The following IRF2 variants were observed in gnomAD, a reference collection of about 807,000 sequenced individuals.
The protein encoded by IRF2 is interferon regulatory factor 2.
In IRF2, 15 loss-of-function variants were observed where a neutral mutation model predicts 40.6. That is an observed-to-expected ratio of 0.37 (90% CI 0.25 to 0.57). The LOEUF (loss-of-function observed/expected upper bound fraction) is 0.57, where lower values mean the gene tolerates loss of function less well. Among genes scored for constraint, IRF2 ranks in the 20% least tolerant of loss-of-function variants. The pLI is 0.77. For synonymous variants in IRF2, 151 were observed against 165.5 expected (o/e 0.91, Z 0.67); for missense variants, 317 against 455.7 (o/e 0.70, Z 2.77).
chr4:184,399,421 C>T (rs1736589016), intron 6 of IRF2, among the ~76,000 whole-genome samples: 1 of 152,236 alleles, frequency 6.6e-6, no homozygotes, highest in African/African-American at 2.4e-5. Context: ...GCCCCAGGGC[C>T]AGACATGACA....
At chr4:184,412,272 C>T (rs866648085) in intron 5 of IRF2, among the ~76,000 whole-genome samples, 8 of 152,124 alleles carry the variant, frequency 5.3e-5, no homozygotes, top group African/African-American at 1.7e-4. Context: ...GAGCACACTT[C>T]TTTAGACCTG....
At chr4:184,395,851 A>G (rs528838582) in intron 7 of IRF2, among the ~76,000 whole-genome samples, 1 of 152,388 alleles carries the variant, frequency 6.6e-6, no homozygotes, top group South Asian at 2.1e-4. Flanking sequence ...AATGTCCTGA[A>G]GAGAGTAATG....
intron 1 of IRF2, among the ~76,000 whole-genome samples, chr4:184,436,698 G>A: frequency 6.6e-6 from 1 of 152,106 alleles, no homozygotes; most frequent in East Asian, 1.9e-4. Flanking sequence ...GTAAAAGGTT[G>A]GTATCGGCGG....
rs199802618 is a variant in IRF2 at position 184,418,718 on chromosome 4, G to A, written c.188-10C>T. On this transcript the variant is annotated splice_polypyrimidine_tract_variant and intron_variant, in intron 3 of 8. Transcript: ENST00000393593. Reference sequence around the variant, plus strand: ...CCTGGTTGATGCTTTCCTAACAAAAGAGACAAAGATTAAGAAAAAGAGAGA... The same window carrying A: ...CCTGGTTGATGCTTTCCTAACAAAAAAGACAAAGATTAAGAAAAAGAGAGA... The A allele has an allele frequency of 6.2e-7, 1 of 1,609,038 alleles. No individual in the cohort carries two copies. Among genetic ancestry groups the A allele is most frequent in the African/African-American group, 1.3e-5 (1 of 74,804 alleles).
At chr4:184,444,050 C>G (rs1407221347) in intron 1 of IRF2, among the ~76,000 whole-genome samples, 1 of 152,194 alleles carries the variant, frequency 6.6e-6, no homozygotes, top group South Asian at 2.1e-4. Flanking sequence ...CGAGGTCTGA[C>G]AGCCACATGA....
chr4:184,393,514 A>T (rs1376059754), intron 7 of IRF2, among the ~76,000 whole-genome samples: 1 of 152,212 alleles, frequency 6.6e-6, no homozygotes, highest in African/African-American at 2.4e-5. Context: ...TGGAAGTCAG[A>T]TCCTGGGGTA....
intron 1 of IRF2, among the ~76,000 whole-genome samples, chr4:184,459,086 C>T (rs1739041955): frequency 6.6e-6 from 1 of 151,804 alleles, no homozygotes; most frequent in East Asian, 1.9e-4. Context: ...CCTGAAATAC[C>T]ACAGAAGTGA....
chr4:184,463,323 T>C (rs1005830229), intron 1 of IRF2, among the ~76,000 whole-genome samples: 1 of 152,222 alleles, frequency 6.6e-6, no homozygotes, highest in Non-Finnish European at 1.5e-5. Flanking sequence ...CTTGATTGAT[T>C]TCCTTATGCT....
chr4:184,398,591 G>A (rs1031479698), intron 7 of IRF2, among the ~76,000 whole-genome samples: 6 of 151,900 alleles, frequency 3.9e-5, no homozygotes, highest in African/African-American at 1.5e-4. Flanking sequence ...GGGAGGCGGA[G>A]GTTACAGTGA....
chr4:184,397,288 C>A (rs1736502552), intron 7 of IRF2, among the ~76,000 whole-genome samples: 1 of 152,088 alleles, frequency 6.6e-6, no homozygotes, highest in Non-Finnish European at 1.5e-5. Context: ...CCTAGAATAG[C>A]CAAATTCACT....
At chr4:184,433,293 C>G (rs1737957199) in intron 1 of IRF2, among the ~76,000 whole-genome samples, 1 of 152,158 alleles carries the variant, frequency 6.6e-6, no homozygotes, top group African/African-American at 2.4e-5. Flanking sequence ...GCCCCTAGGT[C>G]CTTGGGTCAC....
At chr4:184,416,917 G>A (rs201985700) in intron 5 of IRF2, among the ~76,000 whole-genome samples, 1 of 152,040 alleles carries the variant, frequency 6.6e-6, no homozygotes, top group Non-Finnish European at 1.5e-5. Flanking sequence ...ATGGTGGCAC[G>A]TGTTTGTAGT....
chr4:184,451,476 G>A (rs1468104071), intron 1 of IRF2, among the ~76,000 whole-genome samples: 1 of 152,132 alleles, frequency 6.6e-6, no homozygotes, highest in African/African-American at 2.4e-5. Context: ...ACCCCATGGG[G>A]TCGTTCTCAT....
At chr4:184,435,163 C>T (rs1455717896) in intron 1 of IRF2, among the ~76,000 whole-genome samples, 1 of 152,174 alleles carries the variant, frequency 6.6e-6, no homozygotes, top group African/African-American at 2.4e-5. Flanking sequence ...AGTGGAGAGC[C>T]AAGACTCTCA....
At chr4:184,420,696 C>T (rs1385049869) in intron 2 of IRF2, among the ~76,000 whole-genome samples, 2 of 152,162 alleles carry the variant, frequency 1.3e-5, no homozygotes, top group Admixed American at 6.5e-5. Flanking sequence ...GTGGCGGTAC[C>T]GGCAGGTACT....
rs150269096 is a variant in IRF2 at position 184,460,838 on chromosome 4, G to A, written c.-7+13541C>T. Among the ~76,000 whole-genome samples, 527 of 152,256 alleles carry A rather than the reference G, an allele frequency of 3.5e-3. 11 individuals carry two copies. Among genetic ancestry groups the A allele is most frequent in the East Asian group, 4.6e-3 (24 of 5,186 alleles). ...AAATGATATCTAAAGTAGGACCTAC[G>A]TAGAAAAAGAGCTACATAAAATCCC... On this transcript the variant is annotated intron_variant, in intron 1 of 8. Transcript: ENST00000393593.
chr4:184,472,123 C>A (rs968250897), intron 1 of IRF2: 3 of 152,186 alleles, frequency 2.0e-5, no homozygotes, highest in Admixed American at 6.5e-5. Context: ...CCCTAGAGAT[C>A]CCAGTTCAAG....
intron 1 of IRF2, among the ~76,000 whole-genome samples, chr4:184,443,944 T>C (rs914160413): frequency 2.0e-5 from 3 of 152,208 alleles, no homozygotes; most frequent in East Asian, 1.9e-4. Context: ...TTTGGCAACA[T>C]GCAAATTCCT....
intron 2 of IRF2, among the ~76,000 whole-genome samples, chr4:184,425,324 C>A (rs761629691): frequency 1.3e-4 from 20 of 152,146 alleles, no homozygotes; most frequent in Non-Finnish European, 2.6e-4. Context: ...CCTAAGTTAA[C>A]GGAAACCTAT....
Sources: allele counts gnomAD v4.1 joint callset (sites outside exome capture counted in the v4.1 genomes callset), GRCh38; gene constraint gnomAD v4.1.1; transcripts MANE v1.5; gene names NCBI Gene and HGNC (gene_info 2026-07-23, HGNC 2026-07-21).